Variants in WDR43 observed in about 807,000 individuals in gnomAD.
WDR43 encodes WD repeat-containing protein 43.
WDR43 carries 13 observed loss-of-function variants against 91.4 expected under a neutral mutation model. The ratio of observed to expected loss-of-function variants is 0.14; its 90% CI spans 0.09 to 0.23. WDR43 has a LOEUF of 0.23. Among genes scored for constraint, WDR43 ranks in the 10% least tolerant of loss-of-function variants. The pLI is 1.00. For synonymous variants in WDR43, 331 were observed against 287.9 expected (o/e 1.15, Z -1.51); for missense variants, 780 against 809.4 (o/e 0.96, Z 0.44).
Position 28,929,656 on chromosome 2 carries a change from C to G in WDR43, c.1383C>G (p.Ser461Arg). The change falls in exon 11 of 18, where the codon AGC (serine) becomes AGG (arginine). Residue 461 changes from serine to arginine, a missense_variant. Around this residue, in one of 4 missense-constraint regions of WDR43, gnomAD observed 426 missense variants for 467.8 expected, o/e 0.91. Coordinates refer to ENST00000407426, the MANE Select transcript of WDR43 (RefSeq NM_015131.3). ...KKGKEDLQTN[S>R]FPVLLTQGLE... ...GAAAGGAAGACCTCCAGACGAATAG[C>G]TTTCCAGTTCTTCTTACCCAGGGCT... The G allele has an allele frequency of 6.2e-7, 1 of 1,613,790 alleles. No individual in the cohort carries two copies. The highest frequency in any genetic ancestry group is 8.5e-7 in the Non-Finnish European group (1 of 1,179,778).
chr2:28,931,526 C>A (rs116107494), intron 11 of WDR43, among the ~76,000 whole-genome samples: 1 of 152,178 alleles, frequency 6.6e-6, no homozygotes, highest in South Asian at 2.1e-4. Flanking sequence ...TTGCATACTG[C>A]ATCACTGTGG....
chr2:28,917,052 A>G (rs1349115747), intron 5 of WDR43, among the ~76,000 whole-genome samples: 1 of 152,180 alleles, frequency 6.6e-6, no homozygotes, highest in African/African-American at 2.4e-5. Flanking sequence ...CTTCAGAATT[A>G]TGCTTGGGGG....
At chr2:28,915,586 C>T (rs6727420) in intron 5 of WDR43, among the ~76,000 whole-genome samples, 62,157 of 152,044 alleles carry the variant, frequency 0.41, 13,462 homozygotes, top group Middle Eastern at 0.53. Context: ...TTAAAATTAA[C>T]CACACACACA....
At chr2:28,944,508 A>T (rs967594529) in intron 16 of WDR43, among the ~76,000 whole-genome samples, 2 of 152,264 alleles carry the variant, frequency 1.3e-5, no homozygotes, top group African/African-American at 4.8e-5. Context: ...TTATATAAGT[A>T]TGTTCATTGC....
At chr2:28,924,331 A>G (rs1362431514) in intron 7 of WDR43, among the ~76,000 whole-genome samples, 1 of 152,146 alleles carries the variant, frequency 6.6e-6, no homozygotes, top group African/African-American at 2.4e-5. Context: ...TCATTGGATG[A>G]CGGCAGGAGG....
chr2:28,912,751 G>A (rs770116320), intron 4 of WDR43, 41 bp downstream of exon 4: 1 of 1,601,238 alleles, frequency 6.2e-7, no homozygotes, highest in East Asian at 2.2e-5. Flanking sequence ...AAATTATAGA[G>A]TAAACACAGA....
At chr2:28,936,338 T>C (rs1671336909) in intron 12 of WDR43, among the ~76,000 whole-genome samples, 1 of 152,186 alleles carries the variant, frequency 6.6e-6, no homozygotes, top group African/African-American at 2.4e-5. Flanking sequence ...GCTGCTGAAG[T>C]ATTTTGCAAG....
At position 28,913,054 on chromosome 2, in the gene WDR43, C is replaced by T. The variant is rs555760375; in HGVS notation, c.606+344C>T. ...TGCAAGCTCCGCCTCCCAGGTTCAC[C>T]GCCATTCTCCTGCCTCAGCCTCCCG... On this transcript the variant is annotated intron_variant, in intron 4 of 17. Coordinates refer to ENST00000407426, the MANE Select transcript of WDR43 (RefSeq NM_015131.3). Among the ~76,000 whole-genome samples the T allele has an allele frequency of 4.6e-5, 7 of 150,802 alleles. No individual in the cohort carries two copies. The East Asian group carries it at 7.9e-4, about 17-fold the overall frequency.
chr2:28,922,015 C>T (rs1558376776), intron 6 of WDR43, among the ~76,000 whole-genome samples: 1 of 152,180 alleles, frequency 6.6e-6, no homozygotes, highest in Non-Finnish European at 1.5e-5. Flanking sequence ...TGGCCCTCCC[C>T]TGACAACTGT....
At chr2:28,922,296 A>G (rs775140153) in intron 6 of WDR43, among the ~76,000 whole-genome samples, 12 of 152,224 alleles carry the variant, frequency 7.9e-5, no homozygotes, top group Non-Finnish European at 1.5e-4. Context: ...GAGTAGGAAT[A>G]GCAGTGTTTT....
At chr2:28,943,399 G>A (rs1197264651) in intron 16 of WDR43, among the ~76,000 whole-genome samples, 1 of 152,126 alleles carries the variant, frequency 6.6e-6, no homozygotes, top group South Asian at 2.1e-4. Flanking sequence ...GCTTCCCAAA[G>A]TGCTGGGAAT....
At chr2:28,901,782 G>A (rs1241027548) in intron 1 of WDR43, among the ~76,000 whole-genome samples, 1 of 152,094 alleles carries the variant, frequency 6.6e-6, no homozygotes, top group East Asian at 1.9e-4. Context: ...CATAGGGGTG[G>A]GAGACGGGGG....
At position 28,940,421 on chromosome 2, in the gene WDR43, G is replaced by C. The variant is rs1671414515; in HGVS notation, c.1621-1040G>C. On this transcript the variant is annotated intron_variant, in intron 14 of 17. Transcript: ENST00000407426. Reference sequence around the variant, plus strand: ...ATTTTTGTGTTTTTAGTAGAGATGGGGTTTCTCCATGTTGGTCAGGCTGGT... The same window carrying C: ...ATTTTTGTGTTTTTAGTAGAGATGGCGTTTCTCCATGTTGGTCAGGCTGGT... Among the ~76,000 whole-genome samples the C allele has an allele frequency of 2.0e-5, 3 of 152,082 alleles. No homozygotes were observed. In the South Asian group the frequency reaches 6.2e-4, roughly 32 times the overall value.
Position 28,946,843 on chromosome 2 carries a change from T to C in WDR43, c.*64T>C, listed in dbSNP as rs1238047590. 6 of 1,461,712 alleles carry C rather than the reference T, an allele frequency of 4.1e-6. No individual in the cohort carries two copies. Among genetic ancestry groups the C allele is most frequent in the Non-Finnish European group, 5.4e-6 (6 of 1,110,628 alleles). The allele number at this position is 1,461,712 out of a possible 1,614,324, so 90.5% of individuals were successfully genotyped here. ...GCTCACCTTGCCCAGTGGTGAGGGC[T>C]GCCTCTGTGCCAGGATGCCAAGGAC... is the stretch of plus-strand genomic sequence containing the variant. On this transcript the variant is annotated 3_prime_UTR_variant, in exon 18 of 18. Coordinates refer to ENST00000407426, the MANE Select transcript of WDR43 (RefSeq NM_015131.3).
At chr2:28,912,128 C>A (rs906668832) in intron 3 of WDR43, among the ~76,000 whole-genome samples, 1 of 152,112 alleles carries the variant, frequency 6.6e-6, no homozygotes, top group Non-Finnish European at 1.5e-5. Flanking sequence ...TGGGTTGCAA[C>A]TTTAGAGAAA....
intron 16 of WDR43, among the ~76,000 whole-genome samples, chr2:28,945,252 C>A (rs1205156945): frequency 1.3e-5 from 2 of 152,108 alleles, no homozygotes; most frequent in African/African-American, 4.8e-5. Flanking sequence ...ATAGGAATCC[C>A]ATTCTGTATT....
chr2:28,913,836 G>T, intron 4 of WDR43: 1 of 674,892 alleles, frequency 1.5e-6, no homozygotes, highest in Non-Finnish European at 2.7e-6. Context: ...GTAGGGTCAT[G>T]GGAGTTAGAA....
At chr2:28,934,254 G>A (rs191648701) in intron 11 of WDR43, among the ~76,000 whole-genome samples, 3 of 152,156 alleles carry the variant, frequency 2.0e-5, no homozygotes, top group Non-Finnish European at 2.9e-5. Flanking sequence ...ACATAGTTCA[G>A]TAGCTGCCTG....
chr2:28,938,264 G>A (rs1298014960), intron 14 of WDR43, among the ~76,000 whole-genome samples: 1 of 152,130 alleles, frequency 6.6e-6, no homozygotes, highest in Admixed American at 6.5e-5. Context: ...AAGGAGAAAA[G>A]TTATATAATG....
Sources: gnomAD v4.1 joint callset for allele counts (sites outside exome capture counted in the v4.1 genomes callset) on GRCh38, gnomAD v4.1.1 for gene constraint, gnomAD v4.1.1 regional missense constraint, MANE v1.5 for transcripts, NCBI Gene and HGNC (gene_info 2026-07-23, HGNC 2026-07-21) for gene names.